The following MYBL2 variants were observed in gnomAD, a reference collection of about 807,000 sequenced individuals.
MYBL2 encodes MYB proto-oncogene like 2.
MYBL2 carries 28 observed loss-of-function variants against 79.9 expected under a neutral mutation model. That is an observed-to-expected ratio of 0.35 (90% CI 0.26 to 0.48). The LOEUF (loss-of-function observed/expected upper bound fraction) is 0.48, where lower values mean the gene tolerates loss of function less well. Among genes scored for constraint, MYBL2 ranks in the 20% least tolerant of loss-of-function variants. The pLI is 0.99. For missense variants in MYBL2, 735 were observed against 893.9 expected (o/e 0.82, Z 2.27); for synonymous variants, 378 against 361.2 (o/e 1.05, Z -0.53).
chr20:43,698,061 C>CTTT (rs11475916), intron 6 of MYBL2, among the ~76,000 whole-genome samples: 10 of 112,392 alleles, frequency 8.9e-5, no homozygotes, highest in African/African-American at 3.4e-4. Flanking sequence ...GCTTGGTTGT[C>CTTT]TTTTTTTTTT....
chr20:43,692,298 T>C lies in MYBL2; in HGVS notation c.642T>C (p.Ser214=). The change falls in exon 6 of 14, where the codon AGT becomes AGC. Residue 214 remains serine (S), a synonymous_variant. Coordinates refer to ENST00000217026, the MANE Select transcript of MYBL2 (RefSeq NM_002466.4). The stretch of plus-strand genomic sequence containing the variant: ...TCGAGGACAAGGACGGCCTCCAGAG[T>C]GCCCAGCCCACGGAAGGCCAGGTGA... ...LELEDKDGLQ[S]AQPTEGQGSL... 1.2e-6 allele frequency: 2 copies of C among 1,614,120 alleles called. No homozygotes were observed. The highest frequency in any genetic ancestry group is 1.7e-6 in the Non-Finnish European group (2 of 1,180,006).
At chr20:43,678,083 TTAA>T (rs1163433256) in intron 2 of MYBL2, among the ~76,000 whole-genome samples, 1 of 150,390 alleles carries the variant, frequency 6.6e-6, no homozygotes, top group African/African-American at 2.5e-5. Context: ...ATGTGCTTTG[TTAA>T]ACAGACGCTT....
chr20:43,669,891 C>T (rs1986818066), intron 1 of MYBL2, among the ~76,000 whole-genome samples: 1 of 152,146 alleles, frequency 6.6e-6, no homozygotes, highest in East Asian at 1.9e-4. Flanking sequence ...TTTGGGAGGC[C>T]AAGAGTTCAA....
chr20:43,686,104 T>A (rs1186904491), intron 4 of MYBL2, among the ~76,000 whole-genome samples: 1 of 152,034 alleles, frequency 6.6e-6, no homozygotes, highest in Non-Finnish European at 1.5e-5. Flanking sequence ...CAAAGTGATA[T>A]GTGGTTGCTA....
At chr20:43,694,203 G>T (rs1393893410) in intron 6 of MYBL2, among the ~76,000 whole-genome samples, 1 of 151,908 alleles carries the variant, frequency 6.6e-6, no homozygotes, top group Non-Finnish European at 1.5e-5. Context: ...GTGGTGGCGG[G>T]TGCCTGTAGT....
At chr20:43,711,625 G>C in intron 11 of MYBL2, 24 bp downstream of exon 11, 1 of 1,593,252 alleles carries the variant, frequency 6.3e-7, no homozygotes, top group Non-Finnish European at 8.6e-7. Flanking sequence ...GGGTGGGAGA[G>C]CCTGGGCAGG....
Position 43,702,529 on chromosome 20 carries a change from C to T in MYBL2, c.991C>T (p.Pro331Ser), listed in dbSNP as rs759970518. 22 of 1,611,172 alleles carry T rather than the reference C, an allele frequency of 1.4e-5. No individual in the cohort carries two copies. The highest frequency in any genetic ancestry group is 2.7e-5 in the African/African-American group (2 of 74,850). The change falls in exon 8 of 14, where the codon CCT becomes TCT. Residue 331 changes from proline to serine, a missense_variant. Physicochemically the swap from Pro to Ser is moderately conservative, Grantham distance 74. Coordinates refer to ENST00000217026, the MANE Select transcript of MYBL2 (RefSeq NM_002466.4). ...AWCDLSKFDL[P>S]EEPSAEDSIN... ...GTGTGACCTGAGTAAATTTGACCTC[C>T]CTGAGGAACCATCTGCAGAGGACAG... is the stretch of plus-strand genomic sequence containing the variant.
Position 43,705,334 on chromosome 20 carries a change from C to G in MYBL2, c.1481C>G (p.Thr494Arg). Residue 494 changes from threonine to arginine, a missense_variant, in exon 9 of 14, where the codon ACA (threonine) becomes AGA (arginine). By Grantham distance (71) the Thr-to-Arg change is moderately conservative. Transcript: ENST00000217026. Reference protein sequence around the residue: ...VVTTPLHRDKTPLHQKHAAFV... With the variant: ...VVTTPLHRDKRPLHQKHAAFV... ...ACCACACCACTGCACCGGGACAAGA[C>G]ACCCCTGCACCAGAAACATGCTGCG... 6.2e-7 allele frequency: 1 copy of G among 1,612,832 alleles called. No individual in the cohort carries two copies. The highest frequency in any genetic ancestry group is 1.1e-5 in the South Asian group (1 of 90,678).
At chr20:43,696,869 G>A (rs1401856118) in intron 6 of MYBL2, among the ~76,000 whole-genome samples, 2 of 152,300 alleles carry the variant, frequency 1.3e-5, no homozygotes, top group African/African-American at 4.8e-5. Flanking sequence ...TGGGATTACA[G>A]GCATGCAGCA....
intron 12 of MYBL2, among the ~76,000 whole-genome samples, chr20:43,714,473 C>G (rs531016812): frequency 9.2e-5 from 14 of 152,112 alleles, no homozygotes; most frequent in Non-Finnish European, 1.6e-4. Flanking sequence ...GGGGGCTGCA[C>G]GGCACCCATC....
chr20:43,679,864 G>A (rs1987103447), intron 2 of MYBL2, among the ~76,000 whole-genome samples: 1 of 150,422 alleles, frequency 6.6e-6, no homozygotes, highest in Non-Finnish European at 1.5e-5. Context: ...GGTGGGCTGT[G>A]TTTGCACCAC....
intron 2 of MYBL2, among the ~76,000 whole-genome samples, chr20:43,675,910 A>G (rs1359470757): frequency 2.4e-5 from 1 of 42,108 alleles, no homozygotes; most frequent in South Asian, 7.8e-4. Context: ...CCCAATAGGT[A>G]GTTTTTTTTT....
intron 7 of MYBL2, among the ~76,000 whole-genome samples, chr20:43,701,949 T>G (rs866441793): frequency 1.3e-5 from 2 of 152,128 alleles, no homozygotes; most frequent in Middle Eastern, 3.2e-3. Context: ...TCAGATCACC[T>G]GAGGTCAGGA....
intron 7 of MYBL2, among the ~76,000 whole-genome samples, chr20:43,700,866 T>C (rs1987662352): frequency 6.6e-6 from 1 of 152,228 alleles, no homozygotes; most frequent in Non-Finnish European, 1.5e-5. Context: ...ACTGCCATGC[T>C]ATGCTCCTGC....
intron 10 of MYBL2, among the ~76,000 whole-genome samples, chr20:43,711,266 C>T (rs1361893589): frequency 6.6e-6 from 1 of 152,224 alleles, no homozygotes; most frequent in East Asian, 1.9e-4. Flanking sequence ...CTCTGGGCTG[C>T]TCCCAGCCAT....
In MYBL2 at chr20:43,709,818, T is replaced by C. The variant is rs947597536; in HGVS notation, c.1506-145T>C. 9 of 642,602 alleles carry C rather than the reference T, an allele frequency of 1.4e-5. No homozygotes were observed. The African/African-American group carries it at 1.5e-4, about 11-fold the overall frequency. 39.8% of individuals were successfully genotyped at this position (642,602 alleles called of 1,614,324 possible). Reference sequence around the variant, plus strand: ...TTCTGTTTCCCCCGAGCCCCTGACTTGGACCTGCAGGGTGGGGAGAGGGAT... The same window carrying C: ...TTCTGTTTCCCCCGAGCCCCTGACTCGGACCTGCAGGGTGGGGAGAGGGAT... On this transcript the variant is annotated intron_variant, in intron 9 of 13. Coordinates refer to ENST00000217026, the MANE Select transcript of MYBL2 (RefSeq NM_002466.4).
chr20:43,714,294 T>C (rs1007993102), intron 12 of MYBL2, among the ~76,000 whole-genome samples: 2 of 152,154 alleles, frequency 1.3e-5, no homozygotes, highest in Non-Finnish European at 1.5e-5. Flanking sequence ...GTGCTTGGGG[T>C]TGAAGCTGCG....
At chr20:43,704,740 C>CTA (rs1987742772) in intron 8 of MYBL2, among the ~76,000 whole-genome samples, 1 of 152,196 alleles carries the variant, frequency 6.6e-6, no homozygotes, top group African/African-American at 2.4e-5. Context: ...GTAATAGTGC[C>CTA]TATGTCTCAG....
intron 1 of MYBL2, among the ~76,000 whole-genome samples, chr20:43,669,720 G>T: frequency 6.6e-6 from 1 of 152,280 alleles, no homozygotes; most frequent in African/African-American, 2.4e-5. Context: ...CTCAATTTCC[G>T]CATCTGTTAA....
Sources: allele counts gnomAD v4.1 joint callset (sites outside exome capture counted in the v4.1 genomes callset), GRCh38; gene constraint gnomAD v4.1.1; transcripts MANE v1.5; gene names NCBI Gene and HGNC (gene_info 2026-07-23, HGNC 2026-07-21).